CACNA2D1: variants seen among roughly 807,000 people sequenced by gnomAD.
The protein encoded by CACNA2D1 is calcium voltage-gated channel auxiliary subunit alpha2delta 1, also known as voltage-dependent calcium channel subunit alpha-2/delta-1.
CACNA2D1 carries 53 observed loss-of-function variants against 171.5 expected under a neutral mutation model. The observed-to-expected ratio is 0.31, with a 90% CI of 0.25 to 0.39. The LOEUF is 0.39. CACNA2D1 is among the 10% of genes least tolerant of loss of function. The pLI, the probability that CACNA2D1 is intolerant of heterozygous loss-of-function variation, is 1.00. For synonymous variants in CACNA2D1, 442 were observed against 443.1 expected (o/e 1.00, Z 0.03); for missense variants, 903 against 1,299.8 (o/e 0.69, Z 4.69).
rs570250879 is a variant in CACNA2D1 at position 82,224,795 on chromosome 7, G to A, written c.295-54186C>T. ...GTCTTCCCCTCAGCAAAGCCAAAAT[G>A]TGCGATGACAGATGAAATTTCTGCT... is the stretch of plus-strand genomic sequence containing the variant. On this transcript the variant is annotated intron_variant, in intron 3 of 38. Coordinates refer to ENST00000356860, the MANE Select transcript of CACNA2D1 (RefSeq NM_000722.4). Among the ~76,000 whole-genome samples, 4 of 152,114 alleles carry A rather than the reference G, an allele frequency of 2.6e-5. No homozygotes were observed. The South Asian group carries it at 8.3e-4, about 32-fold the overall frequency.
At chr7:81,958,214 C>T (rs1421218325) in intron 38 of CACNA2D1, among the ~76,000 whole-genome samples, 1 of 151,770 alleles carries the variant, frequency 6.6e-6, no homozygotes, top group Non-Finnish European at 1.5e-5. Flanking sequence ...ATTTTTAGTC[C>T]CCATTACTGA....
intron 3 of CACNA2D1, among the ~76,000 whole-genome samples, chr7:82,245,757 T>A (rs1377244827): frequency 6.6e-6 from 1 of 152,078 alleles, no homozygotes; most frequent in African/African-American, 2.4e-5. Flanking sequence ...TCCATTTTGA[T>A]CTAGGAGAAA....
chr7:82,207,952 C>T (rs538332098), intron 3 of CACNA2D1, among the ~76,000 whole-genome samples: 1 of 152,246 alleles, frequency 6.6e-6, no homozygotes, highest in East Asian at 1.9e-4. Context: ...GTTGAAAGAT[C>T]ATTGCTTGCT....
rs1405491834 is a variant in CACNA2D1 at position 81,985,788 on chromosome 7, G to A, written c.1797-1077C>T. On this transcript the variant is annotated intron_variant, in intron 21 of 38. Transcript: ENST00000356860. ...GAGTTTTGTAGTTAACAAGAGCCAC[G>A]GCGCTACTCTAGTCTTACGGTAGAT... 4.6e-5 allele frequency among the ~76,000 whole-genome samples: 7 copies of A among 152,072 alleles called. No homozygotes were observed. The East Asian group carries it at 9.7e-4, about 21-fold the overall frequency.
intron 7 of CACNA2D1, 88 bp from the exon 8 acceptor site, chr7:82,066,612 T>C: frequency 4.7e-6 from 7 of 1,486,306 alleles, no homozygotes; most frequent in East Asian, 5.0e-5. Context: ...CAAAAAGCAA[T>C]AGATACATAA....
At chr7:82,438,706 T>C (rs547011547) in intron 1 of CACNA2D1, among the ~76,000 whole-genome samples, 1 of 152,176 alleles carries the variant, frequency 6.6e-6, no homozygotes, top group African/African-American at 2.4e-5. Flanking sequence ...AAAGAAAGAC[T>C]GGTTGACACA....
At chr7:82,005,741 T>A in intron 17 of CACNA2D1, 24 bp downstream of exon 17, 2 of 1,488,114 alleles carry the variant, frequency 1.3e-6, no homozygotes, top group Non-Finnish European at 9.4e-7. Context: ...AGAAAGGGTA[T>A]CAAAAGAGCA....
chr7:82,409,152 A>G (rs1281522153), intron 1 of CACNA2D1, among the ~76,000 whole-genome samples: 1 of 152,186 alleles, frequency 6.6e-6, no homozygotes, highest in Non-Finnish European at 1.5e-5. Flanking sequence ...AGAACAAATA[A>G]AAGGCCAAAA....
chr7:82,353,308 G>A (rs1471413755), intron 1 of CACNA2D1, among the ~76,000 whole-genome samples: 1 of 152,110 alleles, frequency 6.6e-6, no homozygotes, highest in Non-Finnish European at 1.5e-5. Context: ...GATGATTAGG[G>A]AGTTTCTCAG....
chr7:81,977,755 T>C (rs1234295553), intron 24 of CACNA2D1, among the ~76,000 whole-genome samples: 2 of 152,136 alleles, frequency 1.3e-5, no homozygotes, highest in African/African-American at 4.8e-5. Context: ...CTAATTAAAC[T>C]AAAGAGTTTC....
chr7:81,979,831 T>C (rs1337952688), intron 24 of CACNA2D1, among the ~76,000 whole-genome samples: 1 of 152,116 alleles, frequency 6.6e-6, no homozygotes, highest in Non-Finnish European at 1.5e-5. Flanking sequence ...ATATTCTTTA[T>C]ATATTTACAG....
intron 4 of CACNA2D1, among the ~76,000 whole-genome samples, chr7:82,142,264 T>G (rs1469759267): frequency 6.6e-6 from 1 of 152,216 alleles, no homozygotes; most frequent in African/African-American, 2.4e-5. Flanking sequence ...GCCCAAATGG[T>G]CCATGCTAAT....
At chr7:82,251,205 T>C (rs934605717) in intron 3 of CACNA2D1, among the ~76,000 whole-genome samples, 25 of 152,132 alleles carry the variant, frequency 1.6e-4, no homozygotes, top group African/African-American at 6.0e-4. Context: ...CTTCTGCCAC[T>C]TGTATAATTT....
intron 1 of CACNA2D1, among the ~76,000 whole-genome samples, chr7:82,384,395 G>A (rs1218881352): frequency 2.0e-5 from 3 of 152,154 alleles, no homozygotes; most frequent in African/African-American, 7.2e-5. Flanking sequence ...GACACAGCAT[G>A]CAGGTAGTTA....
rs140576766 is a variant in CACNA2D1, at chr7:82,274,660, T to C, written c.294+60475A>G. 3.2e-3 allele frequency among the ~76,000 whole-genome samples: 489 copies of C among 152,236 alleles called. 1 individual carries two copies. Among genetic ancestry groups the C allele is most frequent in the Non-Finnish European group, 5.4e-3 (368 of 68,024 alleles). ...TTTAAGTGCAAAAAGGGGAAAGCAA[T>C]GTGGGGAGCACCATATCTATATTGA... is the stretch of plus-strand genomic sequence containing the variant. On this transcript the variant is annotated intron_variant, in intron 3 of 38. Coordinates refer to ENST00000356860, the MANE Select transcript of CACNA2D1 (RefSeq NM_000722.4).
At chr7:82,225,640 C>T (rs1459298642) in intron 3 of CACNA2D1, among the ~76,000 whole-genome samples, 1 of 152,224 alleles carries the variant, frequency 6.6e-6, no homozygotes, top group East Asian at 1.9e-4. Flanking sequence ...ATATGGAAGA[C>T]AAGTTTTGTA....
intron 1 of CACNA2D1, among the ~76,000 whole-genome samples, chr7:82,353,870 T>C (rs1820124276): frequency 6.6e-6 from 1 of 152,028 alleles, no homozygotes; most frequent in Non-Finnish European, 1.5e-5. Context: ...GGAGAGAACA[T>C]GTAATTTATT....
At chr7:81,964,470 A>G in intron 32 of CACNA2D1, 111 bp from the exon 33 acceptor site, 6 of 807,362 alleles carry the variant, frequency 7.4e-6, no homozygotes, top group Non-Finnish European at 9.8e-6. Flanking sequence ...CTGAACTACA[A>G]CTGAGGAGCT....
chr7:82,082,941 G>A (rs1053444914), intron 7 of CACNA2D1, among the ~76,000 whole-genome samples: 9 of 151,940 alleles, frequency 5.9e-5, no homozygotes, highest in African/African-American at 7.3e-5. Context: ...TGTTAAAAGA[G>A]CCATTTTTGA....
Sources: allele counts gnomAD v4.1 joint callset (sites outside exome capture counted in the v4.1 genomes callset), GRCh38; gene constraint gnomAD v4.1.1; transcripts MANE v1.5; gene names NCBI Gene and HGNC (gene_info 2026-07-23, HGNC 2026-07-21).